Variants in ST6GALNAC3 observed in about 807,000 individuals in gnomAD.
ST6GALNAC3 encodes the protein alpha-N-acetylgalactosaminide alpha-2,6-sialyltransferase 3.
ST6GALNAC3 carries 25 observed loss-of-function variants against 32.7 expected under a neutral mutation model. That is an observed-to-expected ratio of 0.76 (90% CI 0.56 to 1.07). The LOEUF (loss-of-function observed/expected upper bound fraction) is 1.07, where lower values mean the gene tolerates loss of function less well. ST6GALNAC3 is among the 50% of genes least tolerant of loss of function. The probability of loss-of-function intolerance (pLI) is 0.00; values close to 1 mark genes in which losing one functional copy is unlikely to be tolerated. For synonymous variants in ST6GALNAC3, 129 were observed against 133.1 expected (o/e 0.97, Z 0.21); for missense variants, 355 against 382.4 (o/e 0.93, Z 0.60).
At chr1:76,519,161 T>C (rs991063054) in intron 3 of ST6GALNAC3, among the ~76,000 whole-genome samples, 7 of 152,168 alleles carry the variant, frequency 4.6e-5, no homozygotes, top group African/African-American at 1.7e-4. Context: ...TCATCTTTTT[T>C]TAGATTTTTT....
At chr1:76,548,577 T>C (rs1369512945) in intron 3 of ST6GALNAC3, among the ~76,000 whole-genome samples, 1 of 152,172 alleles carries the variant, frequency 6.6e-6, no homozygotes, top group Non-Finnish European at 1.5e-5. Flanking sequence ...GCGTTGTTGC[T>C]TTTTTCAGGA....
chr1:76,202,614 G>A (rs1368676917), intron 1 of ST6GALNAC3, among the ~76,000 whole-genome samples: 1 of 152,118 alleles, frequency 6.6e-6, no homozygotes, highest in Non-Finnish European at 1.5e-5. Flanking sequence ...CAACATAAAT[G>A]AGAGAAGTGT....
intron 2 of ST6GALNAC3, among the ~76,000 whole-genome samples, chr1:76,335,774 G>GT (rs1647421822): frequency 6.6e-6 from 1 of 152,148 alleles, no homozygotes; most frequent in Non-Finnish European, 1.5e-5. Flanking sequence ...AGTAATGTTT[G>GT]TTAAACAAAT....
intron 3 of ST6GALNAC3, among the ~76,000 whole-genome samples, chr1:76,476,868 T>G (rs7555277): frequency 0.25 from 37,469 of 152,050 alleles, 6,253 homozygotes; most frequent in African/African-American, 0.48. Context: ...CATGAGCAGG[T>G]CTTCTACAGA....
At chr1:76,449,402 G>T (rs189204663) in intron 3 of ST6GALNAC3, among the ~76,000 whole-genome samples, 1 of 152,164 alleles carries the variant, frequency 6.6e-6, no homozygotes, top group Non-Finnish European at 1.5e-5. Flanking sequence ...GCAAAATTTT[G>T]TGTGGACATA....
intron 2 of ST6GALNAC3, among the ~76,000 whole-genome samples, chr1:76,405,089 C>T (rs1361014226): frequency 6.6e-6 from 1 of 152,048 alleles, no homozygotes; most frequent in East Asian, 1.9e-4. Context: ...TCAAATCTGG[C>T]TGTTTCTACT....
chr1:76,246,682 G>A (rs1168499755), intron 1 of ST6GALNAC3, among the ~76,000 whole-genome samples: 2 of 152,096 alleles, frequency 1.3e-5, no homozygotes, highest in African/African-American at 2.4e-5. Context: ...CTCAAAACTG[G>A]TTATTCTAGT....
At chr1:76,181,139 G>C (rs2100461144) in intron 1 of ST6GALNAC3, among the ~76,000 whole-genome samples, 1 of 152,286 alleles carries the variant, frequency 6.6e-6, no homozygotes, top group African/African-American at 2.4e-5. Context: ...TCCTGTAAGG[G>C]GTTTGAGCGA....
intron 3 of ST6GALNAC3, among the ~76,000 whole-genome samples, chr1:76,444,303 G>C (rs1165237894): frequency 1.3e-5 from 2 of 152,034 alleles, no homozygotes; most frequent in Non-Finnish European, 2.9e-5. Flanking sequence ...ATTTTTTTCT[G>C]TACTCTACAT....
At chr1:76,591,835 A>T (rs1484625265) in intron 3 of ST6GALNAC3, among the ~76,000 whole-genome samples, 1 of 152,158 alleles carries the variant, frequency 6.6e-6, no homozygotes, top group Admixed American at 6.6e-5. Context: ...AAGAACATGT[A>T]CTAGGGCACC....
At chr1:76,558,437 C>T (rs1362589153) in intron 3 of ST6GALNAC3, among the ~76,000 whole-genome samples, 2 of 152,266 alleles carry the variant, frequency 1.3e-5, no homozygotes, top group Admixed American at 1.3e-4. Context: ...TTGCCCTTTG[C>T]AGCAACATGG....
chr1:76,448,164 G>A (rs1302487201), intron 3 of ST6GALNAC3, among the ~76,000 whole-genome samples: 1 of 152,184 alleles, frequency 6.6e-6, no homozygotes, highest in Non-Finnish European at 1.5e-5. Context: ...CCTGGTAGAT[G>A]TGAGACATGG....
At position 76,608,704 on chromosome 1, in the gene ST6GALNAC3, C is replaced by T. The variant is rs567481956; in HGVS notation, c.624-18748C>T. 1.3e-3 allele frequency among the ~76,000 whole-genome samples: 192 copies of T among 149,764 alleles called. 3 individuals are homozygous for T. In the Middle Eastern group the frequency reaches 0.041, roughly 32 times the overall value. ...TCTTTTTATAACCTGTTTAAAAGAGCAATTTTTATATTAAAAAATTAACCC... is the reference window on the plus strand; with the variant it reads ...TCTTTTTATAACCTGTTTAAAAGAGTAATTTTTATATTAAAAAATTAACCC... On this transcript the variant is annotated intron_variant, in intron 3 of 4. Transcript: ENST00000328299.
At chr1:76,301,820 C>T (rs1660740031) in intron 1 of ST6GALNAC3, among the ~76,000 whole-genome samples, 1 of 150,006 alleles carries the variant, frequency 6.7e-6, no homozygotes, top group Admixed American at 6.6e-5. Context: ...TAATCTAAAC[C>T]AAGTTCAAAA....
chr1:76,440,989 GA>G (rs991921798), intron 3 of ST6GALNAC3, among the ~76,000 whole-genome samples: 1 of 150,478 alleles, frequency 6.6e-6, no homozygotes, highest in African/African-American at 2.4e-5. Flanking sequence ...TTGGGAGGCT[GA>G]AGCAGGAGAA....
At chr1:76,217,251 AT>A (rs1240856794) in intron 1 of ST6GALNAC3, among the ~76,000 whole-genome samples, 2 of 152,208 alleles carry the variant, frequency 1.3e-5, no homozygotes, top group Non-Finnish European at 2.9e-5. Context: ...AGAAGAGGAA[AT>A]TAAATTATGA....
Position 76,156,785 on chromosome 1 carries a change from A to G in ST6GALNAC3, c.18+81901A>G, listed in dbSNP as rs575035934. Among the ~76,000 whole-genome samples, 526 of 152,214 alleles carry G rather than the reference A, an allele frequency of 3.5e-3. 3 individuals are homozygous for G. Among genetic ancestry groups the G allele is most frequent in the South Asian group, 0.03 (147 of 4,828 alleles). ...CTCGCTCTCTCGCCCAGGCTGGAGT[A>G]CAGTGGCGCGATCTTGGCTCACTGC... On this transcript the variant is annotated intron_variant, in intron 1 of 4. Transcript: ENST00000328299.
At chr1:76,200,201 T>A (rs987486588) in intron 1 of ST6GALNAC3, among the ~76,000 whole-genome samples, 1 of 152,230 alleles carries the variant, frequency 6.6e-6, no homozygotes, top group African/African-American at 2.4e-5. Context: ...CACCTGCATC[T>A]GAGACTTTGT....
intron 1 of ST6GALNAC3, among the ~76,000 whole-genome samples, chr1:76,268,441 T>C (rs889657371): frequency 1.3e-5 from 2 of 152,218 alleles, no homozygotes; most frequent in Non-Finnish European, 2.9e-5. Flanking sequence ...ACTGCCACAA[T>C]GTGTGGGACC....
Sources: gnomAD v4.1 joint callset for allele counts (sites outside exome capture counted in the v4.1 genomes callset) on GRCh38, gnomAD v4.1.1 for gene constraint, MANE v1.5 for transcripts, NCBI Gene and HGNC (gene_info 2026-07-23, HGNC 2026-07-21) for gene names.